SPATA17: variants seen among roughly 807,000 people sequenced by gnomAD.
The protein encoded by SPATA17 is spermatogenesis associated 17.
A neutral mutation model predicts 62.2 loss-of-function variants in SPATA17; 53 were observed. The observed-to-expected ratio is 0.85, with a 90% CI of 0.68 to 1.07. SPATA17 has a LOEUF of 1.07. SPATA17 is among the 50% of genes least tolerant of loss of function. The probability of loss-of-function intolerance (pLI) is 0.00; values close to 1 mark genes in which losing one functional copy is unlikely to be tolerated. For missense variants in SPATA17, 466 were observed against 425.5 expected (o/e 1.10, Z -0.84); for synonymous variants, 146 against 146.8 (o/e 0.99, Z 0.04).
At chr1:217,667,016 T>C (rs1670710551) in intron 3 of SPATA17, among the ~76,000 whole-genome samples, 1 of 151,790 alleles carries the variant, frequency 6.6e-6, no homozygotes, top group African/African-American at 2.4e-5. Context: ...AATTGAGCCT[T>C]TTATACTTTT....
At chr1:217,840,634 G>C (rs1396192902) in intron 9 of SPATA17, among the ~76,000 whole-genome samples, 1 of 152,040 alleles carries the variant, frequency 6.6e-6, no homozygotes, top group Non-Finnish European at 1.5e-5. Context: ...GAGGAGGGCA[G>C]ATCGATTGAG....
chr1:217,864,587 T>C (rs1037489804), intron 10 of SPATA17, among the ~76,000 whole-genome samples: 2 of 152,104 alleles, frequency 1.3e-5, no homozygotes, highest in African/African-American at 2.4e-5. Context: ...AATATGTATA[T>C]GTATACATTT....
intron 6 of SPATA17, among the ~76,000 whole-genome samples, chr1:217,767,757 A>G (rs185764378): frequency 9.9e-5 from 15 of 152,218 alleles, no homozygotes; most frequent in Non-Finnish European, 1.8e-4. Flanking sequence ...TGTGTACTTT[A>G]TTCATTAAGC....
intron 6 of SPATA17, among the ~76,000 whole-genome samples, chr1:217,768,074 G>A (rs1328129953): frequency 1.3e-5 from 2 of 151,878 alleles, no homozygotes; most frequent in Non-Finnish European, 2.9e-5. Context: ...GTGAAACCTC[G>A]TTTTTACTAA....
At chr1:217,780,129 T>G (rs1054376459) in intron 7 of SPATA17, among the ~76,000 whole-genome samples, 1 of 152,102 alleles carries the variant, frequency 6.6e-6, no homozygotes, top group Non-Finnish European at 1.5e-5. Flanking sequence ...AATATAGATA[T>G]ATATTTACAA....
At chr1:217,635,608 G>T (rs2102873453) in intron 1 of SPATA17, among the ~76,000 whole-genome samples, 1 of 152,148 alleles carries the variant, frequency 6.6e-6, no homozygotes, top group African/African-American at 2.4e-5. Context: ...AGAGGCTGAG[G>T]CAGGAGAATC....
intron 8 of SPATA17, among the ~76,000 whole-genome samples, chr1:217,790,469 C>G (rs1673969775): frequency 6.6e-6 from 1 of 151,974 alleles, no homozygotes; most frequent in Non-Finnish European, 1.5e-5. Flanking sequence ...GAGACAGAGT[C>G]TTGCTCTGTT....
chr1:217,755,753 A>G (rs944137111), intron 6 of SPATA17, among the ~76,000 whole-genome samples: 3 of 152,002 alleles, frequency 2.0e-5, no homozygotes, highest in South Asian at 2.1e-4. Context: ...TAATTAAATA[A>G]TGTTAATTAT....
intron 9 of SPATA17, among the ~76,000 whole-genome samples, chr1:217,812,793 G>A (rs1303401906): frequency 6.6e-6 from 1 of 152,180 alleles, no homozygotes; most frequent in Non-Finnish European, 1.5e-5. Context: ...CATATTTACT[G>A]AAGCAGAAAT....
chr1:217,639,584 T>A (rs1426589913), intron 1 of SPATA17, among the ~76,000 whole-genome samples: 1 of 152,148 alleles, frequency 6.6e-6, no homozygotes, highest in Non-Finnish European at 1.5e-5. Flanking sequence ...TTACTGTGAT[T>A]TACCTTATAT....
At position 217,756,485 on chromosome 1, in the gene SPATA17, C is replaced by T. The variant is rs918665212; in HGVS notation, c.519+14387C>T. Among the ~76,000 whole-genome samples, 25 of 152,030 alleles carry T rather than the reference C, an allele frequency of 1.6e-4. 1 individual carries two copies. Among genetic ancestry groups the T allele is most frequent in the Admixed American group, 1.2e-3 (18 of 15,258 alleles). ...TGGCTGTCTTCAAAACCACGCTTCC[C>T]GTTTATGGATGGTTTCAAGGGAGCT... On this transcript the variant is annotated intron_variant, in intron 6 of 10. Transcript: ENST00000366933.
chr1:217,842,262 T>C (rs1036020572), intron 9 of SPATA17, among the ~76,000 whole-genome samples: 5 of 152,050 alleles, frequency 3.3e-5, no homozygotes, highest in Non-Finnish European at 7.4e-5. Flanking sequence ...GATTGGTCTC[T>C]AGTTTTCCTT....
At chr1:217,729,280 G>C (rs6703863) in intron 5 of SPATA17, among the ~76,000 whole-genome samples, 38,458 of 151,972 alleles carry the variant, frequency 0.25, 5,307 homozygotes, top group African/African-American at 0.35. Context: ...ACTCCAGCAG[G>C]GAGGCCACTT....
At chr1:217,653,453 TC>T (rs1289219826) in intron 3 of SPATA17, among the ~76,000 whole-genome samples, 2 of 152,178 alleles carry the variant, frequency 1.3e-5, no homozygotes, top group African/African-American at 4.8e-5. Context: ...TTAAAGGTGA[TC>T]AGGATAATTT....
intron 1 of SPATA17, among the ~76,000 whole-genome samples, chr1:217,647,535 G>C (rs1296874676): frequency 6.6e-6 from 1 of 152,130 alleles, no homozygotes; most frequent in South Asian, 2.1e-4. Context: ...AGAGACCATC[G>C]TTAAATAATT....
At chr1:217,644,692 G>T (rs1018996323) in intron 1 of SPATA17, among the ~76,000 whole-genome samples, 1 of 151,528 alleles carries the variant, frequency 6.6e-6, no homozygotes, top group Non-Finnish European at 1.5e-5. Context: ...TGATATACAT[G>T]AATATACTGT....
intron 7 of SPATA17, among the ~76,000 whole-genome samples, chr1:217,775,247 A>G (rs1156490240): frequency 1.3e-5 from 2 of 152,102 alleles, no homozygotes; most frequent in African/African-American, 4.8e-5. Context: ...AGAAATGTCT[A>G]TTCTAAGTCC....
chr1:217,753,379 G>A (rs376044166), intron 6 of SPATA17, among the ~76,000 whole-genome samples: 364 of 152,032 alleles, frequency 2.4e-3, no homozygotes, highest in African/African-American at 8.4e-3. Context: ...TTCAAATCCA[G>A]CCTTCAGACA....
intron 9 of SPATA17, among the ~76,000 whole-genome samples, chr1:217,844,005 C>A (rs1675468590): frequency 6.6e-6 from 1 of 152,092 alleles, no homozygotes; most frequent in South Asian, 2.1e-4. Context: ...GTTAGTAAGT[C>A]TGATGGTGTG....
Sources: gnomAD v4.1 joint callset for allele counts (sites outside exome capture counted in the v4.1 genomes callset) on GRCh38, gnomAD v4.1.1 for gene constraint, MANE v1.5 for transcripts, NCBI Gene and HGNC (gene_info 2026-07-23, HGNC 2026-07-21) for gene names.